Variants in CDH18 observed in about 807,000 individuals in gnomAD.
The protein encoded by CDH18 is cadherin 18, also known as cadherin-18.
A neutral mutation model predicts 67.9 loss-of-function variants in CDH18; 31 were observed. The observed-to-expected ratio is 0.46, with a 90% confidence interval of 0.34 to 0.62. CDH18 has a LOEUF of 0.62. CDH18 is among the 20% of genes least tolerant of loss of function. The pLI, the probability that CDH18 is intolerant of heterozygous loss-of-function variation, is 0.01. For synonymous variants in CDH18, 362 were observed against 347.2 expected (o/e 1.04, Z -0.48); for missense variants, 890 against 975.5 (o/e 0.91, Z 1.17).
chr5:20,457,721 G>C (rs535040887), intron 1 of CDH18, among the ~76,000 whole-genome samples: 170 of 152,266 alleles, frequency 1.1e-3, no homozygotes, highest in African/African-American at 4.0e-3. Context: ...AGTAGATCAT[G>C]AATTTACTAT....
At chr5:19,519,114 A>C (rs76284040) in intron 10 of CDH18, among the ~76,000 whole-genome samples, 5,418 of 152,088 alleles carry the variant, frequency 0.036, 142 homozygotes, top group Non-Finnish European at 0.056. Context: ...GAGCTCTTTA[A>C]ACTTCTTCTG....
intron 1 of CDH18, among the ~76,000 whole-genome samples, chr5:20,529,530 G>A (rs373622204): frequency 0.021 from 3,140 of 152,094 alleles, 63 homozygotes; most frequent in African/African-American, 0.042. Flanking sequence ...ACGTCTAAAA[G>A]CTTATCCACC....
chr5:20,258,509 G>T (rs1455952531), intron 1 of CDH18, among the ~76,000 whole-genome samples: 1 of 152,104 alleles, frequency 6.6e-6, no homozygotes, highest in Non-Finnish European at 1.5e-5. Context: ...CATAAATTTG[G>T]ATATTTTAAT....
intron 1 of CDH18, among the ~76,000 whole-genome samples, chr5:20,346,774 C>T (rs945556608): frequency 3.3e-5 from 5 of 152,100 alleles, no homozygotes; most frequent in Non-Finnish European, 7.3e-5. Context: ...CTGTTACATC[C>T]ATAGGTGGCT....
At chr5:19,591,369 T>C (rs139866571) in intron 6 of CDH18, 125 bp from the exon 7 acceptor site, 7 of 496,966 alleles carry the variant, frequency 1.4e-5, no homozygotes, top group Non-Finnish European at 1.3e-5. Context: ...TCAAATGGAC[T>C]TTTTTAGATT....
At chr5:19,845,504 T>A (rs776120889) in intron 2 of CDH18, among the ~76,000 whole-genome samples, 1 of 152,148 alleles carries the variant, frequency 6.6e-6, no homozygotes, top group African/African-American at 2.4e-5. Context: ...GGTGTAATGT[T>A]CCATATATGT....
chr5:19,873,839 G>A (rs1017468718), intron 2 of CDH18, among the ~76,000 whole-genome samples: 2 of 151,904 alleles, frequency 1.3e-5, no homozygotes, highest in Admixed American at 6.6e-5. Context: ...GTAGAGATGG[G>A]GTTTCACCAT....
intron 1 of CDH18, among the ~76,000 whole-genome samples, chr5:20,362,015 CCAGAGT>C (rs1742126991): frequency 6.6e-6 from 1 of 151,926 alleles, no homozygotes; most frequent in South Asian, 2.1e-4. Flanking sequence ...TGCATTCATG[CCAGAGT>C]CAATCATGCA....
At chr5:19,592,814 G>A (rs2150032497) in intron 6 of CDH18, among the ~76,000 whole-genome samples, 1 of 152,026 alleles carries the variant, frequency 6.6e-6, no homozygotes, top group African/African-American at 2.4e-5. Context: ...TTGTTGATTA[G>A]CAACTCCTCA....
intron 2 of CDH18, among the ~76,000 whole-genome samples, chr5:20,140,725 A>G (rs1423277542): frequency 6.6e-6 from 1 of 151,950 alleles, no homozygotes; most frequent in Non-Finnish European, 1.5e-5. Flanking sequence ...CATTTTTTTC[A>G]CTTTTTTATT....
intron 2 of CDH18, among the ~76,000 whole-genome samples, chr5:19,949,217 C>T (rs958015774): frequency 5.3e-5 from 8 of 152,088 alleles, no homozygotes; most frequent in African/African-American, 1.9e-4. Context: ...TTTGCTTGAT[C>T]TGGTACTTAG....
At chr5:20,295,401 TCAAA>T (rs970804255) in intron 1 of CDH18, among the ~76,000 whole-genome samples, 3 of 152,090 alleles carry the variant, frequency 2.0e-5, no homozygotes, top group African/African-American at 7.2e-5. Context: ...AAAATGATTA[TCAAA>T]CACTTTTCCA....
intron 1 of CDH18, among the ~76,000 whole-genome samples, chr5:20,415,501 C>T (rs1039729124): frequency 1.3e-4 from 20 of 152,062 alleles, no homozygotes; most frequent in African/African-American, 4.3e-4. Context: ...TGACTGGTTG[C>T]GGTGGCTCAT....
intron 1 of CDH18, among the ~76,000 whole-genome samples, chr5:20,275,914 C>T (rs774646895): frequency 1.3e-5 from 2 of 152,070 alleles, no homozygotes; most frequent in Non-Finnish European, 2.9e-5. Context: ...TGCATCAGAA[C>T]TCATGGTTGC....
chr5:19,825,847 C>T (rs1780350667), intron 3 of CDH18, among the ~76,000 whole-genome samples: 1 of 152,062 alleles, frequency 6.6e-6, no homozygotes, highest in Non-Finnish European at 1.5e-5. Flanking sequence ...CTTCAAATGA[C>T]CATGGTTGCT....
intron 1 of CDH18, among the ~76,000 whole-genome samples, chr5:20,507,804 A>G (rs1754746851): frequency 1.3e-5 from 2 of 152,144 alleles, no homozygotes; most frequent in Admixed American, 1.3e-4. Context: ...GTGACTCTAC[A>G]TAAGGGCATT....
At chr5:20,013,416 C>T (rs576651710) in intron 2 of CDH18, among the ~76,000 whole-genome samples, 16 of 152,038 alleles carry the variant, frequency 1.1e-4, no homozygotes, top group East Asian at 1.9e-4. Context: ...ATAAGTTATC[C>T]GTTGTAGCTC....
intron 2 of CDH18, among the ~76,000 whole-genome samples, chr5:20,033,542 C>A (rs372178105): frequency 1.6e-4 from 25 of 152,184 alleles, no homozygotes; most frequent in East Asian, 1.4e-3. Flanking sequence ...ATTCTGTAAT[C>A]ATTTCTGCCT....
chr5:20,361,720 A>T lies in CDH18; in HGVS notation c.-579-106215T>A, dbSNP rs193193841. On this transcript the variant is annotated intron_variant, in intron 1 of 14. Coordinates refer to the CDH18 transcript ENST00000507958. ...TATTTGGTTTCTTAATACTGTATCT[A>T]TATTATCAACTTCATCCTTCAGCTT... Among the ~76,000 whole-genome samples, 40 of 152,262 alleles carry T rather than the reference A, an allele frequency of 2.6e-4. 1 individual carries two copies. The East Asian group carries it at 7.1e-3, about 27-fold the overall frequency.
Sources: allele counts gnomAD v4.1 joint callset (sites outside exome capture counted in the v4.1 genomes callset), GRCh38; gene constraint gnomAD v4.1.1; transcripts MANE v1.5; gene names NCBI Gene and HGNC (gene_info 2026-07-23, HGNC 2026-07-21).